Variants in ZNF804A observed in about 807,000 individuals in gnomAD.
The protein encoded by ZNF804A is zinc finger protein 804A.
ZNF804A carries 2 observed loss-of-function variants against 16.5 expected under a neutral mutation model. That is an observed-to-expected ratio of 0.12 (90% confidence interval 0.05 to 0.38). The LOEUF is 0.38. Ranked by LOEUF, ZNF804A falls within the 10% of genes least tolerant of loss-of-function variation. The pLI is 0.99. For missense variants in ZNF804A, 1,473 were observed against 1,390.7 expected (o/e 1.06, Z -0.94); for synonymous variants, 534 against 489.6 (o/e 1.09, Z -1.20).
Position 184,619,938 on chromosome 2 carries a change from A to G in ZNF804A, c.111+20868A>G, listed in dbSNP as rs114231635. 7.5e-3 allele frequency among the ~76,000 whole-genome samples: 1,135 copies of G among 151,994 alleles called. 19 individuals carry two copies. The highest frequency in any genetic ancestry group is 0.026 in the African/African-American group (1,077 of 41,536). On this transcript the variant is annotated intron_variant, in intron 1 of 3. Transcript: ENST00000302277. ...ACAATTTATGATTAAATCTATAGGT[A>G]ACAAAATACATCCAATTGTAAATCA...
intron 2 of ZNF804A, among the ~76,000 whole-genome samples, chr2:184,914,841 T>G (rs1574268780): frequency 6.6e-6 from 1 of 151,906 alleles, no homozygotes; most frequent in East Asian, 1.9e-4. Flanking sequence ...ATGATTAAAA[T>G]GTTAACTAAC....
chr2:184,747,738 C>T (rs1559140687), intron 1 of ZNF804A, among the ~76,000 whole-genome samples: 1 of 150,918 alleles, frequency 6.6e-6, no homozygotes, highest in Non-Finnish European at 1.5e-5. Context: ...AGGATGGTTA[C>T]ATGAGTATAT....
intron 1 of ZNF804A, among the ~76,000 whole-genome samples, chr2:184,649,322 A>G (rs950617719): frequency 6.6e-5 from 10 of 152,160 alleles, no homozygotes; most frequent in African/African-American, 2.4e-4. Flanking sequence ...GCCTACCTCA[A>G]AAAGTGAGAA....
At chr2:184,860,141 G>T (rs1695774831) in intron 1 of ZNF804A, among the ~76,000 whole-genome samples, 1 of 152,216 alleles carries the variant, frequency 6.6e-6, no homozygotes, top group Non-Finnish European at 1.5e-5. Flanking sequence ...ACTATGGTGG[G>T]CCTTGGCCTT....
intron 2 of ZNF804A, among the ~76,000 whole-genome samples, chr2:184,926,759 A>T (rs918475773): frequency 1.1e-4 from 16 of 151,792 alleles, no homozygotes; most frequent in Admixed American, 2.0e-4. Context: ...AAGCTCACTA[A>T]TTTTTTCTTC....
At chr2:184,825,974 C>T (rs897411987) in intron 1 of ZNF804A, among the ~76,000 whole-genome samples, 4 of 151,950 alleles carry the variant, frequency 2.6e-5, no homozygotes, top group East Asian at 1.9e-4. Flanking sequence ...CAGAGTCAAG[C>T]GATTCTGTTA....
intron 1 of ZNF804A, among the ~76,000 whole-genome samples, chr2:184,814,833 T>C (rs564649929): frequency 2.0e-5 from 3 of 152,074 alleles, no homozygotes; most frequent in Non-Finnish European, 2.9e-5. Flanking sequence ...TTAATAGGTA[T>C]AGTTTTAAGC....
intron 2 of ZNF804A, among the ~76,000 whole-genome samples, chr2:184,894,385 A>G (rs991270633): frequency 1.3e-5 from 2 of 152,136 alleles, no homozygotes; most frequent in African/African-American, 4.8e-5. Context: ...GATGACTTGA[A>G]TACATATATT....
intron 1 of ZNF804A, among the ~76,000 whole-genome samples, chr2:184,836,335 C>T (rs1695345480): frequency 6.6e-6 from 1 of 152,070 alleles, no homozygotes; most frequent in African/African-American, 2.4e-5. Context: ...GAAATCTGTT[C>T]GTGTTCACAA....
intron 1 of ZNF804A, among the ~76,000 whole-genome samples, chr2:184,723,158 C>T (rs1329399049): frequency 6.6e-6 from 1 of 151,760 alleles, no homozygotes; most frequent in Non-Finnish European, 1.5e-5. Flanking sequence ...ACACACATTA[C>T]AGTATATTCC....
intron 2 of ZNF804A, among the ~76,000 whole-genome samples, chr2:184,914,629 A>G (rs1048116106): frequency 1.3e-5 from 2 of 152,190 alleles, no homozygotes; most frequent in Non-Finnish European, 2.9e-5. Context: ...TCCTCCATAA[A>G]GAAGGAGAAA....
At position 184,598,990 on chromosome 2, in the gene ZNF804A, A is replaced by T; in HGVS notation, c.31A>T (p.Thr11Ser). The T allele has an allele frequency of 6.2e-7, 1 of 1,613,912 alleles. No homozygotes were observed. Among genetic ancestry groups the T allele is most frequent in the East Asian group, 2.2e-5 (1 of 44,848 alleles). The change falls in exon 1 of 4, where the codon ACG (threonine) becomes TCG (serine). Residue 11 changes from threonine to serine, a missense_variant. Coordinates refer to ENST00000302277, the MANE Select transcript of ZNF804A (RefSeq NM_194250.2). Reference sequence around the variant, plus strand: ...GTGTTACTACATTGTCATCAGCTCCACGCATCTCAGCAACGGACACTTTCG... The same window carrying T: ...GTGTTACTACATTGTCATCAGCTCCTCGCATCTCAGCAACGGACACTTTCG... MECYYIVISS[T>S]HLSNGHFRNI...
rs550231239 is a variant in ZNF804A, at chr2:184,675,658, T to C, written c.111+76588T>C. Among the ~76,000 whole-genome samples the C allele has an allele frequency of 1.7e-3, 257 of 151,896 alleles. 3 individuals carry two copies. The South Asian group carries it at 0.021, about 13-fold the overall frequency. ...CACAATAACGCTATTAAATAGATAC[T>C]TTTTAAATTTTCATTTTGTGGAAGA... On this transcript the variant is annotated intron_variant, in intron 1 of 3. Transcript: ENST00000302277.
At chr2:184,682,816 G>A (rs1692564161) in intron 1 of ZNF804A, among the ~76,000 whole-genome samples, 1 of 152,080 alleles carries the variant, frequency 6.6e-6, no homozygotes, top group Non-Finnish European at 1.5e-5. Flanking sequence ...AGACCAGCCT[G>A]GGAAACATGA....
intron 2 of ZNF804A, among the ~76,000 whole-genome samples, chr2:184,896,352 C>T (rs1685069244): frequency 6.6e-6 from 1 of 151,792 alleles, no homozygotes; most frequent in Non-Finnish European, 1.5e-5. Context: ...TGTCATGAAG[C>T]ATCTTCATGT....
intron 1 of ZNF804A, among the ~76,000 whole-genome samples, chr2:184,791,217 T>C (rs1694534329): frequency 6.6e-6 from 1 of 152,136 alleles, no homozygotes; most frequent in South Asian, 2.1e-4. Context: ...TGATGTAGTG[T>C]TGTTGGCTAG....
chr2:184,636,448 TGTGTGA>T (rs1396343591), intron 1 of ZNF804A, among the ~76,000 whole-genome samples: 32 of 137,918 alleles, frequency 2.3e-4, no homozygotes, highest in African/African-American at 6.7e-4. Flanking sequence ...TGTGTGTGTG[TGTGTGA>T]GAGAGAGAGA....
At chr2:184,837,065 T>A (rs1430498415) in intron 1 of ZNF804A, among the ~76,000 whole-genome samples, 1 of 152,122 alleles carries the variant, frequency 6.6e-6, no homozygotes, top group Non-Finnish European at 1.5e-5. Flanking sequence ...TCAGTAGTCA[T>A]ACTCTTCAGA....
At chr2:184,613,545 G>A (rs1360998176) in intron 1 of ZNF804A, among the ~76,000 whole-genome samples, 1 of 152,164 alleles carries the variant, frequency 6.6e-6, no homozygotes, top group Non-Finnish European at 1.5e-5. Flanking sequence ...AGTGGTCAAA[G>A]TTCCACTGGA....
Sources: allele counts gnomAD v4.1 joint callset (sites outside exome capture counted in the v4.1 genomes callset), GRCh38; gene constraint gnomAD v4.1.1; transcripts MANE v1.5; gene names NCBI Gene and HGNC (gene_info 2026-07-23, HGNC 2026-07-21).